The following TSC22D1 variants were observed in gnomAD, a reference collection of about 807,000 sequenced individuals.
TSC22D1 encodes TSC22 domain family protein 1.
Under a neutral mutation model 74.2 loss-of-function variants are expected in TSC22D1, and 9 were observed. The observed-to-expected ratio is 0.12, with a 90% CI of 0.07 to 0.21. The LOEUF is 0.21. TSC22D1 is among the 10% of genes least tolerant of loss of function. The pLI is 1.00. For missense variants in TSC22D1, 1,427 were observed against 1,304.7 expected (o/e 1.09, Z -1.44); for synonymous variants, 586 against 492.5 (o/e 1.19, Z -2.51).
intron 1 of TSC22D1, among the ~76,000 whole-genome samples, chr13:44,504,563 C>G (rs1879359082): frequency 6.9e-6 from 1 of 145,284 alleles, no homozygotes; most frequent in Middle Eastern, 3.6e-3. Flanking sequence ...GTGATCGTAC[C>G]ACTGCACTCC....
intron 1 of TSC22D1, among the ~76,000 whole-genome samples, chr13:44,546,874 G>A (rs533874098): frequency 6.6e-6 from 1 of 151,952 alleles, no homozygotes; most frequent in East Asian, 1.9e-4. Flanking sequence ...CCTGACGAGC[G>A]AACCTCCCAC....
chr13:44,576,816 C>T (rs1884285794), upstream of TSC22D1, among the ~76,000 whole-genome samples: 1 of 151,482 alleles, frequency 6.6e-6, no homozygotes, highest in African/African-American at 2.4e-5. Context: ...GCCGGGTCCT[C>T]GCGGAGCACG....
intron 1 of TSC22D1, among the ~76,000 whole-genome samples, chr13:44,437,718 G>A (rs1874838897): frequency 6.6e-6 from 1 of 152,172 alleles, no homozygotes; most frequent in African/African-American, 2.4e-5. Context: ...TGCAAGCTGA[G>A]TGACAATTCC....
In TSC22D1 at chr13:44,574,585, T is replaced by C. The variant is rs1475733414; in HGVS notation, c.1490A>G (p.Gln497Arg). ...TTGTTGTTGTTGCTGCTGCTGCTGC[T>C]GCACCACCACAGTAGGGGCTCCCAT... ...GEMGAPTVVV[Q>R]QQQQQQQQQQ... Residue 497 changes from glutamine (Q) to arginine (R), a missense_variant, in exon 1 of 3, where the codon CAG becomes CGG. By Grantham distance (43) the Gln-to-Arg change is conservative. Coordinates refer to ENST00000458659, the MANE Select transcript of TSC22D1 (RefSeq NM_183422.4). The C allele has an allele frequency of 1.2e-6, 2 of 1,613,912 alleles. No homozygotes were observed. The highest frequency in any genetic ancestry group is 2.7e-5 in the African/African-American group (2 of 74,894).
intron 1 of TSC22D1, among the ~76,000 whole-genome samples, chr13:44,571,552 G>A (rs542303667): frequency 2.0e-4 from 31 of 152,192 alleles, no homozygotes; most frequent in African/African-American, 6.0e-4. Context: ...TATTTTACCC[G>A]TCTTTTGTTT....
intron 1 of TSC22D1, among the ~76,000 whole-genome samples, chr13:44,492,131 G>A (rs1036275908): frequency 6.6e-6 from 1 of 151,550 alleles, no homozygotes. Context: ...AATCTACAAT[G>A]GGGTTACATT....
At chr13:44,491,166 C>CA (rs1044433895) in intron 1 of TSC22D1, among the ~76,000 whole-genome samples, 1 of 150,932 alleles carries the variant, frequency 6.6e-6, no homozygotes, top group Non-Finnish European at 1.5e-5. Flanking sequence ...GACTCCGTCT[C>CA]AAAAAAACAA....
In TSC22D1 at chr13:44,532,724, C is replaced by T. The variant is rs111596442; in HGVS notation, c.2912+40439G>A. ...CTCCTGACCTGTGATCCGCCTGCCT[C>T]AGCCTCCCGAAGTGCTGGGATTACA... On this transcript the variant is annotated intron_variant, in intron 1 of 2. Coordinates refer to ENST00000458659, the MANE Select transcript of TSC22D1 (RefSeq NM_183422.4). 1.7e-3 allele frequency among the ~76,000 whole-genome samples: 261 copies of T among 152,282 alleles called. 2 individuals carry two copies. Among genetic ancestry groups the T allele is most frequent in the African/African-American group, 5.9e-3 (245 of 41,574 alleles).
intron 1 of TSC22D1, among the ~76,000 whole-genome samples, chr13:44,517,869 T>A (rs1199168054): frequency 1.0e-5 from 1 of 99,176 alleles, no homozygotes; most frequent in South Asian, 3.3e-4. Context: ...TTTTTTTTTT[T>A]TTTTTTTTTT....
At chr13:44,519,014 G>C (rs980569946) in intron 1 of TSC22D1, among the ~76,000 whole-genome samples, 1 of 152,144 alleles carries the variant, frequency 6.6e-6, no homozygotes, top group African/African-American at 2.4e-5. Context: ...AGTGGATTTA[G>C]TGCCAATTAT....
chr13:44,454,407 A>G (rs1194399764), intron 1 of TSC22D1, among the ~76,000 whole-genome samples: 1 of 152,182 alleles, frequency 6.6e-6, no homozygotes, highest in South Asian at 2.1e-4. Flanking sequence ...GTTAGGAAGT[A>G]TAACGGTAGA....
intron 1 of TSC22D1, among the ~76,000 whole-genome samples, chr13:44,555,426 G>A (rs1882571848): frequency 6.6e-6 from 1 of 152,060 alleles, no homozygotes; most frequent in Non-Finnish European, 1.5e-5. Flanking sequence ...CTGGCCAACA[G>A]TGAACTCTGT....
intron 1 of TSC22D1, among the ~76,000 whole-genome samples, chr13:44,488,216 T>C (rs1878534712): frequency 6.6e-6 from 1 of 152,222 alleles, no homozygotes; most frequent in Non-Finnish European, 1.5e-5. Flanking sequence ...AAGTCCTGCA[T>C]TGTCTAATAC....
At chr13:44,446,486 G>T (rs1875652436) in intron 1 of TSC22D1, among the ~76,000 whole-genome samples, 1 of 152,124 alleles carries the variant, frequency 6.6e-6, no homozygotes, top group South Asian at 2.1e-4. Context: ...GGAGACTCCA[G>T]AAGTGGGGAG....
chr13:44,443,870 CAG>C (rs1875401076), intron 1 of TSC22D1, among the ~76,000 whole-genome samples: 1 of 151,838 alleles, frequency 6.6e-6, no homozygotes, highest in Non-Finnish European at 1.5e-5. Context: ...AAAGCTAACA[CAG>C]GAGGATAAAA....
intron 1 of TSC22D1, among the ~76,000 whole-genome samples, chr13:44,491,365 A>G (rs1484292556): frequency 6.6e-6 from 1 of 152,146 alleles, no homozygotes; most frequent in African/African-American, 2.4e-5. Flanking sequence ...CATCCTGGCT[A>G]ACATGGTGAA....
chr13:44,555,533 G>A (rs1304763027), intron 1 of TSC22D1, among the ~76,000 whole-genome samples: 2 of 152,108 alleles, frequency 1.3e-5, no homozygotes, highest in Non-Finnish European at 2.9e-5. Context: ...TTGAACCCAC[G>A]AGGTGGAGGT....
intron 1 of TSC22D1, among the ~76,000 whole-genome samples, chr13:44,517,512 G>T (rs921275785): frequency 6.6e-6 from 1 of 151,548 alleles, no homozygotes; most frequent in African/African-American, 2.4e-5. Flanking sequence ...AAATGTGCAG[G>T]ATTACTATCC....
chr13:44,434,649 G>A lies in TSC22D1; in HGVS notation c.3199C>T (p.Gln1067Ter). The A allele has an allele frequency of 6.3e-7, 1 of 1,582,838 alleles. No homozygotes were observed. The highest frequency in any genetic ancestry group is 8.6e-7 in the Non-Finnish European group (1 of 1,166,524). The change falls in exon 3 of 3, where the codon CAG becomes TAG. Residue 1067 changes from glutamine to a stop codon, truncating the protein, a stop_gained. Coordinates refer to ENST00000458659, the MANE Select transcript of TSC22D1 (RefSeq NM_183422.4). LOFTEE classifies it high-confidence loss of function. ...AGCTATGCGGTTGGTCCTGAGCCCT[G>A]CGATGCTGGCTGGGCGGGGGGCTGT... Reference protein sequence around the residue: ...TTQPPAQPASQGSGPTA With the variant: ...TTQPPAQPAS
Sources: gnomAD v4.1 joint callset for allele counts (sites outside exome capture counted in the v4.1 genomes callset) on GRCh38, gnomAD v4.1.1 for gene constraint, MANE v1.5 for transcripts, NCBI Gene and HGNC (gene_info 2026-07-23, HGNC 2026-07-21) for gene names.